The following STK3 variants were observed in gnomAD, a reference collection of about 807,000 sequenced individuals.
STK3 encodes the protein serine/threonine-protein kinase 3.
In STK3, 41 loss-of-function variants were observed where a neutral mutation model predicts 58.0. The ratio of observed to expected loss-of-function variants is 0.71; its 90% CI spans 0.55 to 0.92. STK3 has a LOEUF of 0.92. Ranked by LOEUF, STK3 falls within the 40% of genes least tolerant of loss-of-function variation. The pLI is 0.00. For synonymous variants in STK3, 170 were observed against 191.0 expected (o/e 0.89, Z 0.91); for missense variants, 479 against 602.7 (o/e 0.79, Z 2.15).
rs751626643 is a variant in STK3, at chr8:98,707,403, T to G, written c.352-92A>C. 4 of 949,122 alleles carry G rather than the reference T, an allele frequency of 4.2e-6. No individual in the cohort carries two copies. In the African/African-American group the frequency reaches 6.7e-5, roughly 16 times the overall value. The allele number at this position is 949,122 out of a possible 1,614,324, so 58.8% of individuals were successfully genotyped here. A position where few individuals can be genotyped will look rare whatever the true frequency, so the allele number is the denominator to read the frequency against. Reference sequence around the variant, plus strand: ...CTAGTAACAAGTATGTCTTTCCGTGTGTGTGTGTGTGTTTTTTTTTAAGAG... The same window carrying G: ...CTAGTAACAAGTATGTCTTTCCGTGGGTGTGTGTGTGTTTTTTTTTAAGAG... On this transcript the variant is annotated intron_variant, in intron 4 of 10. Transcript: ENST00000419617.
Position 98,800,599 on chromosome 8 carries a change from G to C in STK3, c.26+24916C>G, listed in dbSNP as rs1422813182. On this transcript the variant is annotated intron_variant, in intron 1 of 10. Coordinates refer to ENST00000419617, the MANE Select transcript of STK3 (RefSeq NM_006281.4). The surrounding 1 kb of genome is among the most constrained non-coding windows in gnomAD (Gnocchi z 4.8). The stretch of plus-strand genomic sequence containing the variant: ...GGGAAGGTGTGGAGGGAGAAGCGTG[G>C]GCAGGAACCAGGACTGCGCGCAGCA... Among the ~76,000 whole-genome samples the C allele has an allele frequency of 1.3e-5, 2 of 152,176 alleles. No homozygotes were observed. Among genetic ancestry groups the C allele is most frequent in the Non-Finnish European group, 1.5e-5 (1 of 68,030 alleles).
intron 6 of STK3, among the ~76,000 whole-genome samples, chr8:98,666,486 A>C (rs1222917914): frequency 3.9e-5 from 6 of 152,206 alleles, no homozygotes; most frequent in Non-Finnish European, 7.4e-5. Context: ...TAGCCTCATA[A>C]ATATTTCTAT....
intron 8 of STK3, among the ~76,000 whole-genome samples, chr8:98,562,926 CAAT>C (rs1006357652): frequency 6.7e-5 from 9 of 133,790 alleles, no homozygotes; most frequent in African/African-American, 2.0e-4. Flanking sequence ...ACAACAACAA[CAAT>C]AACAAAAAGA....
chr8:98,601,875 A>G (rs1586981854), intron 6 of STK3, among the ~76,000 whole-genome samples: 1 of 152,200 alleles, frequency 6.6e-6, no homozygotes, highest in Non-Finnish European at 1.5e-5. Context: ...TTGCCCATAA[A>G]GAAAGAAATC....
chr8:98,559,275 G>A (rs371264337), intron 8 of STK3, among the ~76,000 whole-genome samples: 252 of 152,246 alleles, frequency 1.7e-3, no homozygotes, highest in African/African-American at 5.8e-3. Flanking sequence ...TGTAATAAAT[G>A]TTTGCTGTGT....
the STK3 span, among the ~76,000 whole-genome samples, chr8:98,347,068 A>G: frequency 5.9e-5 from 9 of 151,946 alleles, no homozygotes; most frequent in Admixed American, 2.0e-4. Flanking sequence ...AAAGGATTTT[A>G]TACTATACAT....
intron 1 of STK3, among the ~76,000 whole-genome samples, chr8:98,387,384 T>C (rs1817800928): frequency 6.6e-6 from 1 of 152,234 alleles, no homozygotes; most frequent in African/African-American, 2.4e-5. Flanking sequence ...TAAACTTGAA[T>C]TGGAAACCTA....
chr8:98,690,771 G>A (rs1022406663), intron 6 of STK3, among the ~76,000 whole-genome samples: 1 of 152,128 alleles, frequency 6.6e-6, no homozygotes, highest in Non-Finnish European at 1.5e-5. Flanking sequence ...CAAAGCCAGA[G>A]ACATCAATTT....
chr8:98,598,615 G>A (rs1816033179), intron 6 of STK3: 1 of 985,204 alleles, frequency 1.0e-6, no homozygotes. Context: ...TATATGAGTT[G>A]ATTAGGTATT....
intron 1 of STK3, among the ~76,000 whole-genome samples, chr8:98,916,492 G>A (rs1466353219): frequency 1.3e-5 from 2 of 152,140 alleles, no homozygotes; most frequent in Non-Finnish European, 2.9e-5. Context: ...AGTGAAGGAT[G>A]CCAAAAAGTT....
the STK3 span, among the ~76,000 whole-genome samples, chr8:98,365,984 A>G: frequency 1.3e-5 from 2 of 152,028 alleles, no homozygotes; most frequent in Admixed American, 6.6e-5. Flanking sequence ...AGCAGTATTT[A>G]TAAAACATGT....
chr8:98,402,523 G>T (rs2131028106), intron 3 of STK3, among the ~76,000 whole-genome samples: 1 of 152,340 alleles, frequency 6.6e-6, no homozygotes, highest in East Asian at 1.9e-4. Context: ...CCCCAGTACA[G>T]CAGAGCAAAG....
chr8:98,480,455 T>C (rs1821757599), intron 10 of STK3, among the ~76,000 whole-genome samples: 1 of 152,036 alleles, frequency 6.6e-6, no homozygotes, highest in South Asian at 2.1e-4. Flanking sequence ...TTAAAGTAAA[T>C]GGATGTAAAA....
chr8:98,905,937 A>G (rs1481581904), intron 1 of STK3, among the ~76,000 whole-genome samples: 1 of 152,204 alleles, frequency 6.6e-6, no homozygotes, highest in African/African-American at 2.4e-5. Flanking sequence ...CAGATTGGTT[A>G]CAGCTCAGCT....
chr8:98,727,097 C>T (rs1827847117), intron 4 of STK3, among the ~76,000 whole-genome samples: 1 of 152,136 alleles, frequency 6.6e-6, no homozygotes, highest in African/African-American at 2.4e-5. Context: ...CATTCTCAGA[C>T]CATGTATTTC....
At chr8:98,890,511 C>T (rs1838156249) in intron 1 of STK3, among the ~76,000 whole-genome samples, 2 of 152,154 alleles carry the variant, frequency 1.3e-5, no homozygotes, top group Admixed American at 6.5e-5. Flanking sequence ...GAAACACCAA[C>T]CAGACCCAGG....
chr8:98,489,822 C>A (rs975143352), intron 10 of STK3, among the ~76,000 whole-genome samples: 2 of 152,014 alleles, frequency 1.3e-5, no homozygotes, highest in Admixed American at 1.3e-4. Flanking sequence ...GCAATTAATT[C>A]ACATTATTTC....
intron 6 of STK3, among the ~76,000 whole-genome samples, chr8:98,670,286 C>G (rs997942159): frequency 1.7e-4 from 26 of 151,978 alleles, no homozygotes; most frequent in Non-Finnish European, 5.9e-5. Context: ...AGCAGGTGCC[C>G]AGGCTCGAGG....
chr8:98,519,737 T>C (rs1398492605), intron 10 of STK3, among the ~76,000 whole-genome samples: 4 of 152,114 alleles, frequency 2.6e-5, no homozygotes, highest in African/African-American at 9.7e-5. Context: ...CCACAATTTT[T>C]GGGACTTTTT....
Sources: gnomAD v4.1 joint callset for allele counts (sites outside exome capture counted in the v4.1 genomes callset) on GRCh38, gnomAD v4.1.1 for gene constraint, Gnocchi (gnomAD v3.1) non-coding constraint, MANE v1.5 for transcripts, NCBI Gene and HGNC (gene_info 2026-07-23, HGNC 2026-07-21) for gene names.